The following CNTN5 variants were observed in gnomAD, a reference collection of about 807,000 sequenced individuals.
CNTN5 encodes the protein contactin-5.
CNTN5 carries 77 observed loss-of-function variants against 129.1 expected under a neutral mutation model. The observed-to-expected ratio is 0.60, with a 90% CI of 0.50 to 0.72. CNTN5 has a LOEUF of 0.72. Among genes scored for constraint, CNTN5 ranks in the 30% least tolerant of loss-of-function variants. CNTN5 has a pLI of 0.00. For synonymous variants in CNTN5, 509 were observed against 465.6 expected, an observed-to-expected ratio of 1.09 and a Z score of -1.20; for missense variants, 1,478 against 1,328.8, an observed-to-expected ratio of 1.11 and a Z score of -1.75.
At chr11:99,901,953 A>T (rs1266609166) in intron 6 of CNTN5, among the ~76,000 whole-genome samples, 1 of 152,142 alleles carries the variant, frequency 6.6e-6, no homozygotes, top group Admixed American at 6.6e-5. Context: ...AGGTATTGTT[A>T]TTCCTGTTAC....
At chr11:100,334,271 C>A (rs187384675) in intron 21 of CNTN5, among the ~76,000 whole-genome samples, 69 of 152,118 alleles carry the variant, frequency 4.5e-4, no homozygotes, top group African/African-American at 1.6e-3. Context: ...ATGAAAAAAT[C>A]AAAAAATAAT....
At chr11:99,109,449 A>G (rs1433822942) in intron 1 of CNTN5, among the ~76,000 whole-genome samples, 1 of 152,110 alleles carries the variant, frequency 6.6e-6, no homozygotes, top group African/African-American at 2.4e-5. Flanking sequence ...ACAAAAGGAA[A>G]CTAGGAATGA....
intron 3 of CNTN5, among the ~76,000 whole-genome samples, chr11:99,809,827 A>G (rs1302068532): frequency 6.6e-6 from 1 of 152,174 alleles, no homozygotes; most frequent in Non-Finnish European, 1.5e-5. Context: ...TGTCTGATCT[A>G]TCTTAAACAC....
At chr11:99,214,099 C>T (rs1399935654) in intron 1 of CNTN5, among the ~76,000 whole-genome samples, 1 of 152,038 alleles carries the variant, frequency 6.6e-6, no homozygotes, top group Admixed American at 6.6e-5. Context: ...GTAAGTATGA[C>T]AACGGATAGG....
intron 4 of CNTN5, among the ~76,000 whole-genome samples, chr11:99,841,803 G>T (rs1591292997): frequency 7.8e-5 from 7 of 89,724 alleles, no homozygotes; most frequent in South Asian, 5.5e-4. Context: ...ATATATATGT[G>T]GTGTGTGTGT....
intron 16 of CNTN5, among the ~76,000 whole-genome samples, chr11:100,247,785 AT>A (rs1371092156): frequency 1.7e-5 from 2 of 118,470 alleles, no homozygotes; most frequent in Admixed American, 1.0e-4. Flanking sequence ...ATTAAATATT[AT>A]TTTTTATTGA....
chr11:100,066,266 C>A (rs1591169582), intron 10 of CNTN5, among the ~76,000 whole-genome samples: 1 of 152,088 alleles, frequency 6.6e-6, no homozygotes, highest in Admixed American at 6.6e-5. Flanking sequence ...AGAATTTGAA[C>A]CCATATTCAT....
chr11:99,552,001 T>C (rs564541016), intron 2 of CNTN5, among the ~76,000 whole-genome samples: 3 of 151,338 alleles, frequency 2.0e-5, no homozygotes, highest in Admixed American at 1.3e-4. Flanking sequence ...TCTGTCTCCC[T>C]GGTTCAAGTG....
intron 14 of CNTN5, among the ~76,000 whole-genome samples, chr11:100,192,849 C>A (rs1166515448): frequency 6.6e-6 from 1 of 151,892 alleles, no homozygotes; most frequent in Non-Finnish European, 1.5e-5. Context: ...GTGTTTCTAC[C>A]TTTCTTTATA....
intron 15 of CNTN5, among the ~76,000 whole-genome samples, chr11:100,218,533 T>C (rs528571261): frequency 1.6e-4 from 25 of 152,302 alleles, no homozygotes; most frequent in African/African-American, 5.8e-4. Context: ...CTGGGCACCA[T>C]ACTGAGAAGG....
intron 2 of CNTN5, among the ~76,000 whole-genome samples, chr11:99,391,403 A>G (rs1392297258): frequency 1.3e-5 from 2 of 152,134 alleles, no homozygotes; most frequent in Non-Finnish European, 1.5e-5. Flanking sequence ...TCGTTAGTAA[A>G]CAAAAGAATG....
intron 3 of CNTN5, among the ~76,000 whole-genome samples, chr11:99,689,182 A>G (rs1365340850): frequency 2.0e-5 from 3 of 152,086 alleles, no homozygotes; most frequent in Non-Finnish European, 4.4e-5. Flanking sequence ...AAATCGCCAC[A>G]CTGTCTTCCA....
intron 7 of CNTN5, among the ~76,000 whole-genome samples, chr11:99,955,179 A>T (rs892420261): frequency 6.7e-6 from 1 of 149,102 alleles, no homozygotes; most frequent in African/African-American, 2.5e-5. Context: ...AATATATATT[A>T]AAAAATATAT....
intron 1 of CNTN5, among the ~76,000 whole-genome samples, chr11:99,183,748 G>C (rs1181437758): frequency 6.6e-6 from 1 of 151,832 alleles, no homozygotes; most frequent in Non-Finnish European, 1.5e-5. Flanking sequence ...CTCTGAAACT[G>C]GCTAGTCCAA....
chr11:99,479,319 A>G (rs1945501126), intron 2 of CNTN5, among the ~76,000 whole-genome samples: 1 of 151,904 alleles, frequency 6.6e-6, no homozygotes, highest in Admixed American at 6.6e-5. Context: ...AAGATAATTT[A>G]ATTTAAATTT....
At chr11:100,264,997 T>G (rs1259312180) in intron 17 of CNTN5, among the ~76,000 whole-genome samples, 1 of 152,012 alleles carries the variant, frequency 6.6e-6, no homozygotes, top group South Asian at 2.1e-4. Context: ...TGTTGTGGGG[T>G]TTTTTTATAT....
chr11:99,322,042 C>CA (rs1237878801), intron 1 of CNTN5, among the ~76,000 whole-genome samples: 2 of 152,238 alleles, frequency 1.3e-5, no homozygotes, highest in East Asian at 3.9e-4. Context: ...ACTTGTATGT[C>CA]TATTCCCCAG....
At chr11:99,225,818 T>G (rs900785981) in intron 1 of CNTN5, among the ~76,000 whole-genome samples, 3 of 152,196 alleles carry the variant, frequency 2.0e-5, no homozygotes, top group Non-Finnish European at 4.4e-5. Context: ...TGAAAACATT[T>G]TGTTCTGTTT....
At chr11:99,726,599 T>G (rs544963907) in intron 3 of CNTN5, among the ~76,000 whole-genome samples, 72 of 152,350 alleles carry the variant, frequency 4.7e-4, no homozygotes, top group African/African-American at 1.7e-3. Flanking sequence ...ATATATTATC[T>G]AATTTAATCT....
Sources: gnomAD v4.1 joint callset for allele counts (sites outside exome capture counted in the v4.1 genomes callset) on GRCh38, gnomAD v4.1.1 for gene constraint, MANE v1.5 for transcripts, NCBI Gene and HGNC (gene_info 2026-07-23, HGNC 2026-07-21) for gene names.